MUC4: variants seen among roughly 807,000 people sequenced by gnomAD.
MUC4 encodes mucin-4.
MUC4 carries 202 observed loss-of-function variants against 257.9 expected under a neutral mutation model. The observed-to-expected ratio is 0.78, with a 90% CI of 0.70 to 0.88. The LOEUF (loss-of-function observed/expected upper bound fraction) is 0.88. MUC4 is among the 40% of genes least tolerant of loss of function. The pLI, the probability that MUC4 is intolerant of heterozygous loss-of-function variation, is 0.00. For synonymous variants in MUC4, 2,351 were observed against 2,757.1 expected (o/e 0.85, Z 4.62); for missense variants, 5,976 against 6,513.7 (o/e 0.92, Z 2.84).
chr3:195,804,086 A>G (rs971841353), intron 1 of MUC4, among the ~76,000 whole-genome samples: 1 of 152,182 alleles, frequency 6.6e-6, no homozygotes, highest in Non-Finnish European at 1.5e-5. Flanking sequence ...TTTTTAAGAC[A>G]TTCTCTCAGA....
In MUC4 at chr3:195,784,651, G is replaced by T. The variant is rs546902616; in HGVS notation, c.6929C>A (p.Ala2310Asp). The change falls in exon 2 of 25, where the codon GCT (alanine) becomes GAT (aspartate). Residue 2310 changes from alanine (A) to aspartate (D), a missense_variant. By Grantham distance (126) the Ala-to-Asp change is moderately radical. Coordinates refer to ENST00000463781, the MANE Select transcript of MUC4 (RefSeq NM_018406.7). ...GGCGTGACCTGTGGATGCTGAGGAAGCGTCGGTGACATGAAGAGGGGTGGC... is the reference window on the plus strand; with the variant it reads ...GGCGTGACCTGTGGATGCTGAGGAATCGTCGGTGACATGAAGAGGGGTGGC... ...GHATPLHVTD[A>D]SSASTGHATP... The T allele has an allele frequency of 7.3e-7, 1 of 1,362,890 alleles. No individual in the cohort carries two copies. The allele number at this position is 1,362,890 out of a possible 1,614,324, so 84.4% of individuals were successfully genotyped here. A position where few individuals can be genotyped will look rare whatever the true frequency, so the allele number is the denominator to read the frequency against.
chr3:195,766,598 T>G, intron 8 of MUC4, 65 bp downstream of exon 8: 1 of 1,427,134 alleles, frequency 7.0e-7, no homozygotes. Context: ...ACTGCGATGG[T>G]GTATGGGCTG....
Position 195,767,760 on chromosome 3 carries a change from TCACCACCAC to T in MUC4, c.13530-1018_13530-1010del, listed in dbSNP as rs1215680197. ...ACCATCACCATCGCCACCACCACCA[TCACCACCAC>T]CACCACCATCACCACCATCATTGCC... On this transcript the variant is annotated intron_variant, in intron 7 of 24. Transcript: ENST00000463781. Among the ~76,000 whole-genome samples, 77 of 29,554 alleles carry T rather than the reference TCACCACCAC, an allele frequency of 2.6e-3. 3 individuals are homozygous for T. Among genetic ancestry groups the T allele is most frequent in the African/African-American group, 7.6e-3 (60 of 7,940 alleles). The allele number at this position is 29,554 out of a possible 152,430, so 19.4% of individuals were successfully genotyped here. A position where few individuals can be genotyped will look rare whatever the true frequency, so the allele number is the denominator to read the frequency against.
At chr3:195,760,771 G>A (rs999464067) in intron 16 of MUC4, 113 bp downstream of exon 16, 15 of 862,988 alleles carry the variant, frequency 1.7e-5, no homozygotes, top group African/African-American at 1.7e-4. Flanking sequence ...TGCCAGGAGT[G>A]GAAGAATCTG....
At chr3:195,794,088 A>AATAATAAT (rs1560408849) in intron 1 of MUC4, among the ~76,000 whole-genome samples, 16 of 77,046 alleles carry the variant, frequency 2.1e-4, no homozygotes, top group Admixed American at 4.7e-4. Flanking sequence ...TAAAAAATAA[A>AATAATAAT]AATAATAATA....
At position 195,790,327 on chromosome 3, in the gene MUC4, A is replaced by G. The variant is rs765184626; in HGVS notation, c.1253T>C (p.Ile418Thr). The G allele has an allele frequency of 2.5e-6, 4 of 1,613,914 alleles. No individual in the cohort carries two copies. In the East Asian group the frequency reaches 8.9e-5, roughly 36 times the overall value. ...TGAAACTTTGGAAGTGATTGCAGAAATGGTTCCACTTACAGATAGTGATGT... is the reference window on the plus strand; with the variant it reads ...TGAAACTTTGGAAGTGATTGCAGAAGTGGTTCCACTTACAGATAGTGATGT... The part of the protein sequence containing the change: ...EETSLSVSGT[I>T]SAITSKVSTI... The change falls in exon 2 of 25, where the codon ATT becomes ACT. Residue 418 changes from isoleucine to threonine, a missense_variant. By Grantham distance (89) the Ile-to-Thr change is moderately conservative. This residue lies in a region of MUC4 where 1,583 missense variants were observed against 1,257.4 expected (regional missense o/e 1.26). Transcript: ENST00000463781.
At chr3:195,804,276 C>A (rs1453279071) in intron 1 of MUC4, among the ~76,000 whole-genome samples, 2 of 152,256 alleles carry the variant, frequency 1.3e-5, no homozygotes, top group Non-Finnish European at 2.9e-5. Context: ...CGGCCCACAG[C>A]TGCCTCACGT....
intron 1 of MUC4, among the ~76,000 whole-genome samples, chr3:195,800,883 C>T (rs1301526791): frequency 2.2e-5 from 3 of 136,964 alleles, no homozygotes; most frequent in African/African-American, 8.5e-5. Flanking sequence ...CTCAAGACCC[C>T]TTCTCTGAAA....
chr3:195,796,955 C>T (rs764430110), intron 1 of MUC4, among the ~76,000 whole-genome samples: 1 of 151,422 alleles, frequency 6.6e-6, no homozygotes, highest in Non-Finnish European at 1.5e-5. Context: ...AGCCAAAGTG[C>T]ATCATGGCCG....
chr3:195,780,216 A>T lies in MUC4; in HGVS notation c.11364T>A (p.Gly3788=), dbSNP rs1328664328. 5 of 1,480,728 alleles carry T rather than the reference A, an allele frequency of 3.4e-6. No homozygotes were observed. The Admixed American group carries it at 1.0e-4, about 30-fold the overall frequency. The allele number at this position is 1,480,728 out of a possible 1,614,324, so 91.7% of individuals were successfully genotyped here. Residue 3788 remains glycine (G), a synonymous_variant, in exon 2 of 25, where the codon GGT becomes GGA. Transcript: ENST00000463781. Reference sequence around the variant, plus strand: ...CGGTGACAGGAAGAGGGGTGGTGTCACCTGTGGATGCTGAGGAAGCGTCGG... The same window carrying T: ...CGGTGACAGGAAGAGGGGTGGTGTCTCCTGTGGATGCTGAGGAAGCGTCGG... The part of the protein sequence containing the change: ...PVTDASSAST[G]DTTPLPVTDT...
At chr3:195,798,943 T>C (rs1327718860) in intron 1 of MUC4, among the ~76,000 whole-genome samples, 3 of 152,050 alleles carry the variant, frequency 2.0e-5, no homozygotes, top group Admixed American at 2.0e-4. Context: ...AGCTCCATAG[T>C]AAAATCTAGG....
intron 8 of MUC4, 93 bp from the exon 9 acceptor site, chr3:195,765,542 C>G (rs1720269174): frequency 1.6e-6 from 2 of 1,238,420 alleles, no homozygotes; most frequent in Non-Finnish European, 1.1e-6. Context: ...CACAAATGCA[C>G]CCCCTCCTGC....
chr3:195,768,520 C>T (rs570114566), intron 7 of MUC4, among the ~76,000 whole-genome samples: 3 of 152,328 alleles, frequency 2.0e-5, no homozygotes, highest in Non-Finnish European at 4.4e-5. Context: ...ATTCTAGCCT[C>T]AGATGTCTGG....
In MUC4 at chr3:195,746,883, C is replaced by A; in HGVS notation, c.*293G>T. The A allele has an allele frequency of 2.4e-6, 1 of 424,416 alleles. No individual in the cohort carries two copies. Among genetic ancestry groups the A allele is most frequent in the Non-Finnish European group, 4.1e-6 (1 of 243,288 alleles). The allele number at this position is 424,416 out of a possible 1,614,324, so 26.3% of individuals were successfully genotyped here. A position where few individuals can be genotyped will look rare whatever the true frequency, so the allele number is the denominator to read the frequency against. ...CTTAGGGCCATCACCACATTATGAACTCGTGTGTGTGTGTGTGTGTGTGCA... is the reference window on the plus strand; with the variant it reads ...CTTAGGGCCATCACCACATTATGAAATCGTGTGTGTGTGTGTGTGTGTGCA... On this transcript the variant is annotated 3_prime_UTR_variant, in exon 25 of 25. Coordinates refer to ENST00000463781, the MANE Select transcript of MUC4 (RefSeq NM_018406.7).
chr3:195,761,645 G>A lies in MUC4; in HGVS notation c.14513-60C>T, dbSNP rs529971524. On this transcript the variant is annotated intron_variant, in intron 14 of 24. Coordinates refer to ENST00000463781, the MANE Select transcript of MUC4 (RefSeq NM_018406.7). ...CACGCGGCTGTCCCCTTCCTGGGGA[G>A]CATCCGGCGGACGCAGTGGGGAGAG... is the stretch of plus-strand genomic sequence containing the variant. 71 of 1,332,222 alleles carry A rather than the reference G, an allele frequency of 5.3e-5. No individual in the cohort carries two copies. The South Asian group carries it at 7.3e-4, about 14-fold the overall frequency. 82.5% of individuals were successfully genotyped at this position (1,332,222 alleles called of 1,614,324 possible).
rs747657773 is a variant in MUC4 at position 195,763,423 on chromosome 3, CCTCA to C, written c.14253+6_14253+9del. The C allele has an allele frequency of 1.2e-5, 17 of 1,405,250 alleles. No homozygotes were observed. The highest frequency in any genetic ancestry group is 1.5e-5 in the Non-Finnish European group (16 of 1,076,148). 87.0% of individuals were successfully genotyped at this position (1,405,250 alleles called of 1,614,324 possible). ...GGAATGCAGGGAGGTTCCCGGCACC[CCTCA>C]CTCACCGTGACGGGGCCCAGGCTGC... On this transcript the variant is annotated splice_donor_region_variant and intron_variant, in intron 12 of 24. Coordinates refer to ENST00000463781, the MANE Select transcript of MUC4 (RefSeq NM_018406.7).
At chr3:195,811,056 T>C (rs1167740357) in intron 1 of MUC4, among the ~76,000 whole-genome samples, 1 of 152,100 alleles carries the variant, frequency 6.6e-6, no homozygotes, top group Non-Finnish European at 1.5e-5. Flanking sequence ...ATTCTCCCTC[T>C]GTCTTTCCCC....
intron 1 of MUC4, among the ~76,000 whole-genome samples, chr3:195,806,462 G>A (rs1735999928): frequency 6.6e-6 from 1 of 152,262 alleles, no homozygotes; most frequent in South Asian, 2.1e-4. Flanking sequence ...GAACATTTCC[G>A]TAATTATTTG....
intron 18 of MUC4, among the ~76,000 whole-genome samples, chr3:195,756,210 T>C (rs977586100): frequency 6.6e-6 from 1 of 152,178 alleles, no homozygotes; most frequent in Non-Finnish European, 1.5e-5. Flanking sequence ...CAGACAGGAC[T>C]GTAAGCGGCC....
Sources: allele counts gnomAD v4.1 joint callset (sites outside exome capture counted in the v4.1 genomes callset), GRCh38; gene constraint gnomAD v4.1.1; regional missense constraint gnomAD v4.1.1; transcripts MANE v1.5; gene names NCBI Gene and HGNC (gene_info 2026-07-23, HGNC 2026-07-21).